CSMD1: variants seen among roughly 807,000 people sequenced by gnomAD.
CSMD1 encodes the protein CUB and Sushi multiple domains 1, also known as CUB and sushi domain-containing protein 1.
A neutral mutation model predicts 417.5 loss-of-function variants in CSMD1; 213 were observed. The observed-to-expected ratio is 0.51, with a 90% CI of 0.46 to 0.57. The LOEUF is 0.57. Among genes scored for constraint, CSMD1 ranks in the 20% least tolerant of loss-of-function variants. CSMD1 has a pLI of 0.00. For missense variants in CSMD1, 6,923 were observed against 4,529.7 expected (o/e 1.53, Z -15.17); for synonymous variants, 2,862 against 1,736.8 (o/e 1.65, Z -16.11).
chr8:3,294,236 G>T (rs531526509), intron 25 of CSMD1, among the ~76,000 whole-genome samples: 451 of 44,004 alleles, frequency 0.01, 3 homozygotes, highest in African/African-American at 0.017. Flanking sequence ...GGCCCCTACT[G>T]GGGGGTGCCT....
At chr8:4,115,015 C>T (rs1160763704) in intron 3 of CSMD1, among the ~76,000 whole-genome samples, 2 of 152,134 alleles carry the variant, frequency 1.3e-5, no homozygotes, top group African/African-American at 2.4e-5. Context: ...GTTGATAATG[C>T]AGAAGCATGG....
chr8:4,787,606 G>A (rs1262070236), intron 1 of CSMD1: 4 of 1,547,380 alleles, frequency 2.6e-6, no homozygotes, highest in Admixed American at 1.7e-5. Flanking sequence ...CAATTGAATG[G>A]GTTTGCAGAA....
intron 8 of CSMD1, among the ~76,000 whole-genome samples, chr8:3,613,439 CAA>C (rs1801985100): frequency 6.6e-6 from 1 of 151,800 alleles, no homozygotes; most frequent in Non-Finnish European, 1.5e-5. Flanking sequence ...ACAGGAACAA[CAA>C]AGTCTTTATA....
chr8:3,786,656 G>C (rs768870425), intron 5 of CSMD1, among the ~76,000 whole-genome samples: 1 of 152,154 alleles, frequency 6.6e-6, no homozygotes, highest in Non-Finnish European at 1.5e-5. Flanking sequence ...GAGATGCTAT[G>C]ATAAAATACT....
In CSMD1 at chr8:3,683,795, G is replaced by C. The variant is rs958582243; in HGVS notation, c.1009+24619C>G. 2.6e-5 allele frequency among the ~76,000 whole-genome samples: 4 copies of C among 152,026 alleles called. No individual in the cohort carries two copies. The East Asian group carries it at 7.7e-4, about 29-fold the overall frequency. ...CTTCCAGTTAAACCACATCTGCTTT[G>C]TGTTAACTTGATAAAACCAATGTTT... On this transcript the variant is annotated intron_variant, in intron 7 of 69. Coordinates refer to ENST00000635120, the MANE Select transcript of CSMD1 (RefSeq NM_033225.6).
intron 25 of CSMD1, among the ~76,000 whole-genome samples, chr8:3,301,868 A>G (rs370180425): frequency 2.0e-5 from 3 of 152,334 alleles, no homozygotes; most frequent in East Asian, 3.9e-4. Context: ...GGAATTCATA[A>G]TGGTGGATAA....
intron 5 of CSMD1, among the ~76,000 whole-genome samples, chr8:3,905,783 T>A (rs751068364): frequency 1.3e-5 from 2 of 152,196 alleles, no homozygotes; most frequent in Non-Finnish European, 2.9e-5. Flanking sequence ...TGCTCAGAAT[T>A]CTTCACCACC....
At chr8:3,356,963 G>A (rs1194666469) in intron 21 of CSMD1, among the ~76,000 whole-genome samples, 1 of 152,080 alleles carries the variant, frequency 6.6e-6, no homozygotes, top group Non-Finnish European at 1.5e-5. Flanking sequence ...AGAGCATTCT[G>A]GGAGCTGCGG....
chr8:3,549,467 C>G (rs28630601), intron 10 of CSMD1, among the ~76,000 whole-genome samples: 9,320 of 152,220 alleles, frequency 0.061, 585 homozygotes, highest in African/African-American at 0.16. Flanking sequence ...CCCCTCATGT[C>G]GCAGCAGTGA....
At chr8:4,071,261 G>A (rs747701392) in intron 3 of CSMD1, among the ~76,000 whole-genome samples, 6 of 151,772 alleles carry the variant, frequency 4.0e-5, no homozygotes, top group East Asian at 3.9e-4. Flanking sequence ...GAAGCCTGAC[G>A]CCCTGCTTGT....
intron 1 of CSMD1, among the ~76,000 whole-genome samples, chr8:4,796,578 G>A (rs913135885): frequency 2.0e-5 from 3 of 151,524 alleles, no homozygotes; most frequent in Non-Finnish European, 4.4e-5. Flanking sequence ...CACTCACTGT[G>A]GGAGGCTGCA....
At chr8:4,703,328 G>A (rs1335426048) in intron 1 of CSMD1, among the ~76,000 whole-genome samples, 6 of 152,204 alleles carry the variant, frequency 3.9e-5, no homozygotes, top group South Asian at 2.1e-4. Context: ...TCAAATATAC[G>A]TCGCTCCACG....
intron 25 of CSMD1, among the ~76,000 whole-genome samples, chr8:3,297,666 A>G (rs1291869143): frequency 6.6e-6 from 1 of 152,210 alleles, no homozygotes; most frequent in Non-Finnish European, 1.5e-5. Context: ...CCAGTGGAAT[A>G]GAGATGTAAA....
At chr8:4,940,906 T>G (rs1054300146) in intron 1 of CSMD1, among the ~76,000 whole-genome samples, 13 of 152,202 alleles carry the variant, frequency 8.5e-5, no homozygotes, top group African/African-American at 3.1e-4. Flanking sequence ...TTCTTTATTC[T>G]CCAAGAGGAG....
At chr8:3,737,984 A>G (rs149309718) in intron 6 of CSMD1, among the ~76,000 whole-genome samples, 1 of 152,230 alleles carries the variant, frequency 6.6e-6, no homozygotes, top group East Asian at 1.9e-4. Flanking sequence ...AATAAATTGC[A>G]GAAGAATGCA....
chr8:4,175,745 G>T (rs946015636), intron 3 of CSMD1, among the ~76,000 whole-genome samples: 11 of 152,196 alleles, frequency 7.2e-5, no homozygotes, highest in Middle Eastern at 6.8e-3. Flanking sequence ...AAAAATAATG[G>T]TGAAATATTA....
intron 3 of CSMD1, among the ~76,000 whole-genome samples, chr8:4,177,458 A>T (rs1210175525): frequency 1.3e-5 from 2 of 152,164 alleles, no homozygotes; most frequent in East Asian, 3.9e-4. Context: ...TATAGCACTA[A>T]ATGTCCACAA....
Position 4,630,265 on chromosome 8 carries a change from T to TACAC in CSMD1, c.302+7073_302+7076dup, listed in dbSNP as rs57214957. ...TCTTAACAAATAAGCACACAGCAAA[T>TACAC]ACACACACACACACACACACACACA... On this transcript the variant is annotated intron_variant, in intron 2 of 69. Transcript: ENST00000635120. Among the ~76,000 whole-genome samples the TACAC allele has an allele frequency of 1.2e-3, 186 of 149,034 alleles. 1 individual carries two copies. Among genetic ancestry groups the TACAC allele is most frequent in the African/African-American group, 2.8e-3 (111 of 40,222 alleles).
At chr8:3,060,297 C>T (rs1406016175) in intron 49 of CSMD1, among the ~76,000 whole-genome samples, 1 of 152,024 alleles carries the variant, frequency 6.6e-6, no homozygotes, top group Non-Finnish European at 1.5e-5. Context: ...AGGCGTGCAC[C>T]ACTGTGCCTA....
Sources: allele counts gnomAD v4.1 joint callset (sites outside exome capture counted in the v4.1 genomes callset), GRCh38; gene constraint gnomAD v4.1.1; transcripts MANE v1.5; gene names NCBI Gene and HGNC (gene_info 2026-07-23, HGNC 2026-07-21).